USP34: variants seen among roughly 807,000 people sequenced by gnomAD.
USP34 encodes ubiquitin specific peptidase 34, also known as ubiquitin carboxyl-terminal hydrolase 34.
In USP34, 70 loss-of-function variants were observed where a neutral mutation model predicts 460.3. The ratio of observed to expected loss-of-function variants is 0.15; its 90% CI spans 0.13 to 0.19. USP34 has a LOEUF of 0.19. Among genes scored for constraint, USP34 ranks in the 10% least tolerant of loss-of-function variants. The pLI, the probability that USP34 is intolerant of heterozygous loss-of-function variation, is 1.00. For missense variants in USP34, 3,985 were observed against 4,236.2 expected (o/e 0.94, Z 1.65); for synonymous variants, 1,647 against 1,405.3 (o/e 1.17, Z -3.85).
At chr2:61,226,154 G>A (rs976813607) in intron 62 of USP34, among the ~76,000 whole-genome samples, 1 of 152,020 alleles carries the variant, frequency 6.6e-6, no homozygotes, top group African/African-American at 2.4e-5. Context: ...GCAAAATCAC[G>A]AACAAAACAT....
chr2:61,227,548 T>C (rs1326732706), intron 61 of USP34, among the ~76,000 whole-genome samples: 1 of 152,058 alleles, frequency 6.6e-6, no homozygotes, highest in Admixed American at 6.5e-5. Context: ...CCGTTTCTAC[T>C]AAAAATACAA....
intron 20 of USP34, 142 bp downstream of exon 20, chr2:61,331,134 G>T (rs1691248469): frequency 5.7e-6 from 4 of 707,448 alleles, no homozygotes; most frequent in Non-Finnish European, 8.9e-6. Context: ...AAAAGTTCTA[G>T]CAGCCTTTTC....
chr2:61,294,248 A>C (rs1689952375), intron 32 of USP34, among the ~76,000 whole-genome samples: 1 of 151,562 alleles, frequency 6.6e-6, no homozygotes, highest in Non-Finnish European at 1.5e-5. Context: ...CCAGAGGCTG[A>C]GGCAGGAGAA....
chr2:61,295,495 C>T (rs1689996871), intron 30 of USP34, among the ~76,000 whole-genome samples: 2 of 151,786 alleles, frequency 1.3e-5, no homozygotes, highest in African/African-American at 4.8e-5. Flanking sequence ...GAAAATAAAC[C>T]CAATAAAATT....
intron 71 of USP34, among the ~76,000 whole-genome samples, chr2:61,206,387 G>A (rs1687117565): frequency 6.6e-6 from 1 of 152,176 alleles, no homozygotes; most frequent in Non-Finnish European, 1.5e-5. Flanking sequence ...GTATCTTATA[G>A]GGACATAAGA....
chr2:61,248,493 A>T lies in USP34; in HGVS notation c.6394+18T>A, dbSNP rs1351779596. 3 of 1,538,960 alleles carry T rather than the reference A, an allele frequency of 1.9e-6. No individual in the cohort carries two copies. The highest frequency in any genetic ancestry group is 2.6e-6 in the Non-Finnish European group (3 of 1,137,414). On this transcript the variant is annotated intron_variant, in intron 49 of 79. Transcript: ENST00000398571. ...ATTGACAATAATCACAGACAAGAGA[A>T]AGAAATGAAAAAATCACCTTCTTTC...
intron 1 of USP34, among the ~76,000 whole-genome samples, chr2:61,461,634 A>G (rs1435413248): frequency 1.3e-5 from 2 of 152,154 alleles, no homozygotes; most frequent in Admixed American, 6.6e-5. Context: ...GGAATACTAC[A>G]GGCACACATC....
intron 18 of USP34, among the ~76,000 whole-genome samples, chr2:61,336,144 CAATT>C: frequency 7.4e-6 from 1 of 135,114 alleles, no homozygotes; most frequent in South Asian, 2.6e-4. Context: ...TGTGTCCGCA[CAATT>C]TTTTTTTTTT....
intron 20 of USP34, among the ~76,000 whole-genome samples, chr2:61,326,886 C>A (rs561357072): frequency 6.7e-6 from 1 of 149,832 alleles, no homozygotes; most frequent in South Asian, 2.1e-4. Flanking sequence ...TGGGTTCAAG[C>A]GATTCTCCTG....
chr2:61,425,713 A>C (rs773585200), intron 1 of USP34, among the ~76,000 whole-genome samples: 1 of 152,078 alleles, frequency 6.6e-6, no homozygotes. Flanking sequence ...GATTCTTAGT[A>C]ATGAATGAAC....
intron 18 of USP34, among the ~76,000 whole-genome samples, chr2:61,335,303 G>C (rs1691383794): frequency 6.6e-6 from 1 of 152,186 alleles, no homozygotes; most frequent in African/African-American, 2.4e-5. Flanking sequence ...TCTGACTACT[G>C]ATATGCTTAC....
intron 41 of USP34, among the ~76,000 whole-genome samples, chr2:61,274,022 T>A (rs1021222036): frequency 6.6e-6 from 1 of 151,772 alleles, no homozygotes; most frequent in Non-Finnish European, 1.5e-5. Flanking sequence ...AGGGAGTTTT[T>A]AAAAGTATAA....
chr2:61,376,758 G>A (rs894369228), intron 8 of USP34, among the ~76,000 whole-genome samples: 7 of 152,070 alleles, frequency 4.6e-5, no homozygotes, highest in East Asian at 1.9e-4. Context: ...AGTGATTCTC[G>A]TGCCTCAGCT....
intron 75 of USP34, chr2:61,194,127 C>T (rs1686723231): frequency 2.9e-5 from 29 of 985,372 alleles, no homozygotes; most frequent in Non-Finnish European, 3.3e-5. Flanking sequence ...TTGAGAACAT[C>T]CTACACAGGC....
chr2:61,273,979 G>C (rs982414082), intron 41 of USP34, among the ~76,000 whole-genome samples: 14 of 150,938 alleles, frequency 9.3e-5, no homozygotes, highest in Admixed American at 8.0e-4. Flanking sequence ...AAACTTAAAT[G>C]TAAAATATTA....
chr2:61,401,319 G>A (rs1432793475), intron 3 of USP34, among the ~76,000 whole-genome samples: 2 of 151,676 alleles, frequency 1.3e-5, no homozygotes, highest in Non-Finnish European at 2.9e-5. Context: ...ACTCACTGCA[G>A]CTTTGACCTC....
intron 18 of USP34, among the ~76,000 whole-genome samples, chr2:61,337,161 G>A (rs547419708): frequency 6.6e-6 from 1 of 152,130 alleles, no homozygotes; most frequent in Non-Finnish European, 1.5e-5. Flanking sequence ...AGCCTCTACT[G>A]TGTCCCATTC....
chr2:61,458,473 A>T (rs1323537302), intron 1 of USP34, among the ~76,000 whole-genome samples: 1 of 151,192 alleles, frequency 6.6e-6, no homozygotes, highest in Non-Finnish European at 1.5e-5. Context: ...AGGCAGGAGA[A>T]TCATTTGAAC....
intron 11 of USP34, 26 bp from the exon 12 acceptor site, chr2:61,350,415 G>C (rs781360467): frequency 4.4e-6 from 7 of 1,594,742 alleles, no homozygotes; most frequent in Non-Finnish European, 6.0e-6. Context: ...AGAGATTTCA[G>C]TTTGAGAATT....
Sources: allele counts gnomAD v4.1 joint callset (sites outside exome capture counted in the v4.1 genomes callset), GRCh38; gene constraint gnomAD v4.1.1; transcripts MANE v1.5; gene names NCBI Gene and HGNC (gene_info 2026-07-23, HGNC 2026-07-21).